P4HA1: variants seen among roughly 807,000 people sequenced by gnomAD.
P4HA1 encodes prolyl 4-hydroxylase subunit alpha 1.
A neutral mutation model predicts 72.8 loss-of-function variants in P4HA1; 24 were observed. That is an observed-to-expected ratio of 0.33 (90% CI 0.24 to 0.46). The LOEUF is 0.46. P4HA1 is among the 20% of genes least tolerant of loss of function. P4HA1 has a pLI of 1.00. For missense variants in P4HA1, 446 were observed against 640.6 expected (o/e 0.70, Z 3.28); for synonymous variants, 201 against 218.8 (o/e 0.92, Z 0.72).
chr10:73,092,769 A>C (rs1842063754), intron 1 of P4HA1, among the ~76,000 whole-genome samples: 1 of 152,082 alleles, frequency 6.6e-6, no homozygotes, highest in Non-Finnish European at 1.5e-5. Flanking sequence ...TAAACCACTA[A>C]ATTACAGTCC....
intron 9 of P4HA1, among the ~76,000 whole-genome samples, chr10:73,035,338 A>C (rs1269841989): frequency 2.6e-5 from 4 of 152,168 alleles, no homozygotes; most frequent in African/African-American, 7.2e-5. Context: ...AAACATAGCA[A>C]GACCCCGTCT....
intron 9 of P4HA1, among the ~76,000 whole-genome samples, chr10:73,032,919 C>T (rs1782402669): frequency 6.9e-6 from 1 of 144,498 alleles, no homozygotes; most frequent in Non-Finnish European, 1.5e-5. Context: ...TCCTATATTA[C>T]TAAAATTATT....
Position 73,007,354 on chromosome 10 carries a change from T to C in P4HA1, c.*868A>G, listed in dbSNP as rs1839816399. Reference sequence around the variant, plus strand: ...TCAATTCCCTCATCACTGAAAGGACTTGTACATTTTTAAACTTCCAGTCTC... The same window carrying C: ...TCAATTCCCTCATCACTGAAAGGACCTGTACATTTTTAAACTTCCAGTCTC... On this transcript the variant is annotated 3_prime_UTR_variant, in exon 15 of 15. Coordinates refer to ENST00000394890, the MANE Select transcript of P4HA1 (RefSeq NM_001017962.3). 6.6e-6 allele frequency: 1 copy of C among 152,586 alleles called. No individual in the cohort carries two copies. Among genetic ancestry groups the C allele is most frequent in the Non-Finnish European group, 1.5e-5 (1 of 68,024 alleles). 9.5% of individuals were successfully genotyped at this position (152,586 alleles called of 1,614,324 possible). A position where few individuals can be genotyped will look rare whatever the true frequency, so the allele number is the denominator to read the frequency against.
At chr10:73,037,571 A>ATATAT (rs1238501206) in intron 9 of P4HA1, among the ~76,000 whole-genome samples, 15 of 30,610 alleles carry the variant, frequency 4.9e-4, no homozygotes, top group Admixed American at 1.5e-3. Context: ...ATATATATAT[A>ATATAT]TTTTTTTTTT....
At chr10:73,050,556 C>T (rs543738000) in intron 7 of P4HA1, among the ~76,000 whole-genome samples, 47 of 151,894 alleles carry the variant, frequency 3.1e-4, no homozygotes, top group Middle Eastern at 3.4e-3. Flanking sequence ...AAAAATTAGC[C>T]GGGTATGGTG....
rs1000395555 is a variant in P4HA1, at chr10:73,091,017, C to T, written c.-33+5749G>A. ...CAGAGGTTGCCGTGAACCGAGATTG[C>T]GCCACTGCACTCCAGCCTGGGTGAC... On this transcript the variant is annotated intron_variant, in intron 1 of 14. Coordinates refer to ENST00000394890, the MANE Select transcript of P4HA1 (RefSeq NM_001017962.3). Among the ~76,000 whole-genome samples the T allele has an allele frequency of 4.9e-5, 7 of 142,298 alleles. No individual in the cohort carries two copies. In the East Asian group the frequency reaches 8.0e-4, roughly 16 times the overall value. 93.4% of individuals were successfully genotyped at this position (142,298 alleles called of 152,430 possible).
At position 73,096,806 on chromosome 10, in the gene P4HA1, C is replaced by T. The variant is rs532997049; in HGVS notation, c.-73G>A. The T allele has an allele frequency of 6.5e-6, 1 of 152,940 alleles. No homozygotes were observed. Among genetic ancestry groups the T allele is most frequent in the South Asian group, 2.1e-4 (1 of 4,838 alleles). The allele number at this position is 152,940 out of a possible 1,614,324, so 9.5% of individuals were successfully genotyped here. A position where few individuals can be genotyped will look rare whatever the true frequency, so the allele number is the denominator to read the frequency against. ...AGAGGGCGGCGCGCTCTTCAGCCCC[C>T]AGTCGCCTCCACTCGGAGCGGCTAC... On this transcript the variant is annotated 5_prime_UTR_variant, in exon 1 of 15. Transcript: ENST00000394890.
chr10:73,016,934 C>A (rs1312355250), intron 10 of P4HA1, 35 bp from the exon 11 acceptor site: 1 of 1,555,146 alleles, frequency 6.4e-7, no homozygotes, highest in Non-Finnish European at 8.8e-7. Context: ...AAGAAAAGAA[C>A]TATAAAGATT....
intron 9 of P4HA1, among the ~76,000 whole-genome samples, chr10:73,037,727 T>G (rs183095099): frequency 2.0e-5 from 3 of 150,906 alleles, no homozygotes; most frequent in Non-Finnish European, 4.4e-5. Flanking sequence ...CTTTGCTTCA[T>G]AGTGGGATAA....
intron 5 of P4HA1, among the ~76,000 whole-genome samples, chr10:73,066,356 A>G (rs1244291400): frequency 6.6e-6 from 1 of 152,188 alleles, no homozygotes; most frequent in Non-Finnish European, 1.5e-5. Flanking sequence ...AAGAATGAAT[A>G]TTGCCCCTAA....
At chr10:73,014,410 T>A in intron 11 of P4HA1, 121 bp from the exon 12 acceptor site, 1 of 717,250 alleles carries the variant, frequency 1.4e-6, no homozygotes, top group South Asian at 1.6e-5. Flanking sequence ...CGCAAAAGTT[T>A]CCCTTGTAAT....
At chr10:73,036,025 C>A (rs1448949175) in intron 9 of P4HA1, among the ~76,000 whole-genome samples, 1 of 151,884 alleles carries the variant, frequency 6.6e-6, no homozygotes, top group Non-Finnish European at 1.5e-5. Context: ...CCCGCCTCCA[C>A]TAAAAATACA....
chr10:73,039,429 C>A (rs1319710834), intron 9 of P4HA1, among the ~76,000 whole-genome samples: 1 of 152,104 alleles, frequency 6.6e-6, no homozygotes, highest in East Asian at 1.9e-4. Flanking sequence ...GCCTCAGCCT[C>A]CCCAGTAGTT....
chr10:73,050,444 G>A (rs369424846), intron 7 of P4HA1, among the ~76,000 whole-genome samples: 5 of 151,864 alleles, frequency 3.3e-5, no homozygotes, highest in East Asian at 1.9e-4. Context: ...GCTCACGCCT[G>A]TAATCCCACC....
intron 1 of P4HA1, among the ~76,000 whole-genome samples, chr10:73,090,919 G>C (rs529583509): frequency 6.6e-6 from 1 of 151,540 alleles, no homozygotes; most frequent in Admixed American, 6.6e-5. Context: ...AAAAGTAGTC[G>C]GGCGTGGTGG....
chr10:73,027,812 G>A (rs891434172), intron 10 of P4HA1, among the ~76,000 whole-genome samples: 1 of 136,470 alleles, frequency 7.3e-6, no homozygotes, highest in Non-Finnish European at 1.6e-5. Context: ...AAATATGGAA[G>A]GAAGGAAGGG....
At chr10:73,050,427 C>T (rs1840991656) in intron 7 of P4HA1, among the ~76,000 whole-genome samples, 1 of 151,194 alleles carries the variant, frequency 6.6e-6, no homozygotes. Flanking sequence ...TTAGGCTGGG[C>T]ACAGCAGCTC....
intron 8 of P4HA1, among the ~76,000 whole-genome samples, chr10:73,045,895 T>C (rs1840848586): frequency 1.3e-5 from 2 of 148,520 alleles, no homozygotes; most frequent in South Asian, 4.3e-4. Flanking sequence ...AAACCACCAA[T>C]TTGGAGAAGC....
chr10:73,019,009 G>A (rs1176126069), intron 10 of P4HA1, among the ~76,000 whole-genome samples: 3 of 151,946 alleles, frequency 2.0e-5, no homozygotes, highest in Non-Finnish European at 2.9e-5. Context: ...GCAGCACCAT[G>A]GCAGCTGCTT....
Sources: allele counts gnomAD v4.1 joint callset (sites outside exome capture counted in the v4.1 genomes callset), GRCh38; gene constraint gnomAD v4.1.1; transcripts MANE v1.5; gene names NCBI Gene and HGNC (gene_info 2026-07-23, HGNC 2026-07-21).